The following DOCK1 variants were observed in gnomAD, a reference collection of about 807,000 sequenced individuals.
The protein encoded by DOCK1 is dedicator of cytokinesis protein 1.
A neutral mutation model predicts 262.7 loss-of-function variants in DOCK1; 138 were observed. That is an observed-to-expected ratio of 0.53 (90% CI 0.46 to 0.61). The LOEUF (loss-of-function observed/expected upper bound fraction) is 0.61, where lower values mean the gene tolerates loss of function less well. DOCK1 is among the 20% of genes least tolerant of loss of function. The pLI is 0.00. For synonymous variants in DOCK1, 866 were observed against 867.4 expected (o/e 1.00, Z 0.03); for missense variants, 1,908 against 2,370.7 (o/e 0.80, Z 4.05).
chr10:126,940,231 T>A (rs2034884216), intron 1 of DOCK1, among the ~76,000 whole-genome samples: 1 of 152,234 alleles, frequency 6.6e-6, no homozygotes, highest in African/African-American at 2.4e-5. Flanking sequence ...TGATTTGCCT[T>A]GCTTTGTAAT....
intron 25 of DOCK1, among the ~76,000 whole-genome samples, chr10:127,118,591 C>T (rs754400850): frequency 3.3e-5 from 5 of 152,218 alleles, no homozygotes; most frequent in South Asian, 2.1e-4. Flanking sequence ...CAATAGTCCA[C>T]GTGCTACTGT....
intron 1 of DOCK1, among the ~76,000 whole-genome samples, chr10:126,950,841 GT>G (rs1326840771): frequency 2.6e-5 from 4 of 152,158 alleles, no homozygotes; most frequent in Non-Finnish European, 5.9e-5. Context: ...GCAGAATGAA[GT>G]TTAACTCTAC....
In DOCK1 at chr10:126,952,543, GTGGTGGTAGTAT is replaced by G. The variant is rs1285151977; in HGVS notation, c.47-18148_47-18137del. Reference sequence around the variant, plus strand: ...ATTCTTGGTAGTACGGTTGGTGATGGTGGTGGTAGTATTGGTGGTAGTGTTGTTGGTGATGTA... The same window carrying G: ...ATTCTTGGTAGTACGGTTGGTGATGGTGGTGGTAGTGTTGTTGGTGATGTA... On this transcript the variant is annotated intron_variant, in intron 1 of 51. Coordinates refer to ENST00000623213, the MANE Select transcript of DOCK1 (RefSeq NM_001290223.2). Among the ~76,000 whole-genome samples, 368 of 145,278 alleles carry G rather than the reference GTGGTGGTAGTAT, an allele frequency of 2.5e-3. 4 individuals carry two copies. Among genetic ancestry groups the G allele is most frequent in the Middle Eastern group, 0.011 (3 of 282 alleles).
chr10:127,253,564 C>T (rs1212439243), intron 28 of DOCK1, among the ~76,000 whole-genome samples: 1 of 152,094 alleles, frequency 6.6e-6, no homozygotes, highest in Non-Finnish European at 1.5e-5. Flanking sequence ...TTTACAAATA[C>T]AGAAAAGCTG....
chr10:127,054,550 A>G (rs1392609299), intron 22 of DOCK1, among the ~76,000 whole-genome samples: 7 of 152,204 alleles, frequency 4.6e-5, no homozygotes, highest in Middle Eastern at 3.2e-3. Flanking sequence ...GAAACACAGC[A>G]TGGTAAGCTA....
At chr10:127,186,637 A>G (rs1037324867) in intron 27 of DOCK1, among the ~76,000 whole-genome samples, 1 of 151,556 alleles carries the variant, frequency 6.6e-6, no homozygotes, top group Non-Finnish European at 1.5e-5. Context: ...GAGGGGCATA[A>G]ACATATGAAT....
intron 27 of DOCK1, among the ~76,000 whole-genome samples, chr10:127,242,968 G>A (rs995302206): frequency 6.6e-6 from 1 of 152,124 alleles, no homozygotes; most frequent in African/African-American, 2.4e-5. Context: ...GCTGGGAACT[G>A]CCCAGAGATC....
intron 29 of DOCK1, among the ~76,000 whole-genome samples, chr10:127,288,293 A>G (rs1287514666): frequency 6.6e-6 from 1 of 152,138 alleles, no homozygotes; most frequent in Non-Finnish European, 1.5e-5. Flanking sequence ...GATGTGACAA[A>G]ATATCTCAGG....
intron 29 of DOCK1, among the ~76,000 whole-genome samples, chr10:127,319,155 C>T (rs969331756): frequency 2.6e-5 from 4 of 152,216 alleles, no homozygotes; most frequent in Admixed American, 1.3e-4. Context: ...TCACCAAAGG[C>T]GCGTGGTGCA....
At chr10:127,405,116 C>T (rs2067442214) in intron 40 of DOCK1, among the ~76,000 whole-genome samples, 1 of 152,190 alleles carries the variant, frequency 6.6e-6, no homozygotes. Flanking sequence ...TTTGGGTTGT[C>T]CCCGCCCAAT....
At chr10:127,019,007 G>A (rs756173607) in intron 13 of DOCK1, 172 bp downstream of exon 13, 5 of 998,022 alleles carry the variant, frequency 5.0e-6, no homozygotes, top group Middle Eastern at 3.3e-4. Flanking sequence ...TGACCGGAGT[G>A]GTAGAATATG....
At chr10:127,045,857 C>T (rs1162121633) in intron 21 of DOCK1, among the ~76,000 whole-genome samples, 1 of 152,204 alleles carries the variant, frequency 6.6e-6, no homozygotes, top group African/African-American at 2.4e-5. Flanking sequence ...AACTGATGCT[C>T]CATCTGCTCC....
chr10:127,088,575 ATG>A (rs768810960), intron 23 of DOCK1, among the ~76,000 whole-genome samples: 5 of 152,186 alleles, frequency 3.3e-5, no homozygotes, highest in Non-Finnish European at 5.9e-5. Context: ...GTAACTCACA[ATG>A]TGTTTAAACT....
intron 43 of DOCK1, among the ~76,000 whole-genome samples, chr10:127,411,278 G>C (rs958237999): frequency 6.6e-6 from 1 of 152,076 alleles, no homozygotes; most frequent in East Asian, 1.9e-4. Context: ...GAGGTGCGGG[G>C]TGCTGACGTG....
At position 127,026,059 on chromosome 10, in the gene DOCK1, CAA is replaced by C. The variant is rs71490104; in HGVS notation, c.1552-281_1552-280del. Reference sequence around the variant, plus strand: ...GGGCAACAAGAGCGAAACTCTGTATCAAAAAAAAAAAAAGAAAGAAAAAAGAA... The same window carrying C: ...GGGCAACAAGAGCGAAACTCTGTATCAAAAAAAAAAAGAAAGAAAAAAGAA... On this transcript the variant is annotated intron_variant, in intron 15 of 51. Coordinates refer to ENST00000623213, the MANE Select transcript of DOCK1 (RefSeq NM_001290223.2). The C allele has an allele frequency of 3.5e-4, 80 of 231,142 alleles. No individual in the cohort carries two copies. In the Middle Eastern group the frequency reaches 4.4e-3, roughly 13 times the overall value. The allele number at this position is 231,142 out of a possible 1,614,324, so 14.3% of individuals were successfully genotyped here.
Position 127,156,041 on chromosome 10 carries a change from C to T in DOCK1, c.2847+28277C>T, listed in dbSNP as rs117597022. Among the ~76,000 whole-genome samples the T allele has an allele frequency of 7.1e-3, 1,086 of 152,174 alleles. 7 individuals carry two copies. The highest frequency in any genetic ancestry group is 0.012 in the Non-Finnish European group (831 of 68,000). On this transcript the variant is annotated intron_variant, in intron 27 of 51. Coordinates refer to ENST00000623213, the MANE Select transcript of DOCK1 (RefSeq NM_001290223.2). ...CCAAATTTTAGGTTCTTACAGTGGG[C>T]GAAACCAGGGATATTTACAGTTTTC...
intron 27 of DOCK1, among the ~76,000 whole-genome samples, chr10:127,235,303 A>C (rs2059007957): frequency 6.6e-6 from 1 of 152,080 alleles, no homozygotes; most frequent in African/African-American, 2.4e-5. Context: ...AATATTTCTC[A>C]TGCCCCTCCA....
intron 23 of DOCK1, among the ~76,000 whole-genome samples, chr10:127,104,274 A>C (rs2048409882): frequency 6.6e-6 from 1 of 152,204 alleles, no homozygotes; most frequent in Non-Finnish European, 1.5e-5. Context: ...CTTTATTTTG[A>C]TGAAGTCCAA....
At chr10:127,279,997 A>G (rs2060884429) in intron 29 of DOCK1, among the ~76,000 whole-genome samples, 1 of 133,884 alleles carries the variant, frequency 7.5e-6, no homozygotes, top group Admixed American at 7.7e-5. Flanking sequence ...TAGTGGTTTT[A>G]AAATTTTATT....
Sources: gnomAD v4.1 joint callset for allele counts (sites outside exome capture counted in the v4.1 genomes callset) on GRCh38, gnomAD v4.1.1 for gene constraint, MANE v1.5 for transcripts, NCBI Gene and HGNC (gene_info 2026-07-23, HGNC 2026-07-21) for gene names.